The following TMEM272 variants were observed in gnomAD, a reference collection of about 807,000 sequenced individuals.
TMEM272 encodes the protein long intergenic non-protein coding RNA 282.
Under a neutral mutation model 3.7 loss-of-function variants are expected in TMEM272, and 8 were observed. The observed-to-expected ratio is 2.17, with a 90% CI of 1.27 to 3.91. TMEM272 has a LOEUF of 3.91. Ranked by LOEUF, TMEM272 falls within the 30% of genes most tolerant of loss-of-function variation. The pLI, the probability that TMEM272 is intolerant of heterozygous loss-of-function variation, is 0.00. For synonymous variants in TMEM272, 63 were observed against 39.8 expected (o/e 1.58, Z -2.20); for missense variants, 166 against 91.5 (o/e 1.81, Z -3.32).
chr13:51,826,105 G>A lies in TMEM272; in HGVS notation c.118+461C>T, dbSNP rs138795311. 6.4e-4 allele frequency among the ~76,000 whole-genome samples: 89 copies of A among 140,140 alleles called. 1 individual carries two copies. In the East Asian group the frequency reaches 0.017, roughly 26 times the overall value. The allele number at this position is 140,140 out of a possible 152,430, so 91.9% of individuals were successfully genotyped here. A position where few individuals can be genotyped will look rare whatever the true frequency, so the allele number is the denominator to read the frequency against. ...TGGATTATGAGGTTGTTTAATATAC[G>A]TGATTTATGGAAATATTTACTCATT... is the stretch of plus-strand genomic sequence containing the variant. On this transcript the variant is annotated intron_variant, in intron 3 of 4. Coordinates refer to ENST00000629372, the MANE Select transcript of TMEM272 (RefSeq NM_001351003.2).
Position 51,814,340 on chromosome 13 carries a change from T to C in TMEM272, c.*2411A>G, listed in dbSNP as rs1337396030. On this transcript the variant is annotated 3_prime_UTR_variant, in exon 5 of 5. Transcript: ENST00000629372. The stretch of plus-strand genomic sequence containing the variant: ...ATCTCCTGAGGGAGGCCTTAATCAG[T>C]TATCATTCAAAGCCTGCTGCGCTTG... 6.6e-6 allele frequency: 1 copy of C among 152,276 alleles called. No homozygotes were observed. Among genetic ancestry groups the C allele is most frequent in the African/African-American group, 2.4e-5 (1 of 41,462 alleles). The allele number at this position is 152,276 out of a possible 1,614,324, so 9.4% of individuals were successfully genotyped here.
rs1462121972 is a variant in TMEM272, at chr13:51,816,975, A to T, written c.340T>A (p.Phe114Ile). The change falls in exon 5 of 5, where the codon TTC becomes ATC. Residue 114 changes from phenylalanine to isoleucine, a missense_variant. Physicochemically the swap from Phe to Ile is conservative, Grantham distance 21 (BLOSUM62 0). Transcript: ENST00000629372. ...RYYIHLLLSL[F>I]LFLWFILGNY... is the part of the protein sequence containing the mutation. ...CCCAGGATGAACCAGAGGAAGAGGA[A>T]GAGGCTCAGCAGGAGGTGGATGTAG... The T allele has an allele frequency of 1.4e-6, 1 of 703,062 alleles. No individual in the cohort carries two copies. The highest frequency in any genetic ancestry group is 1.5e-5 in the South Asian group (1 of 67,610). 43.6% of individuals were successfully genotyped at this position (703,062 alleles called of 1,614,324 possible). A position where few individuals can be genotyped will look rare whatever the true frequency, so the allele number is the denominator to read the frequency against.
At chr13:51,844,229 T>G (rs1956285746) in intron 1 of TMEM272, among the ~76,000 whole-genome samples, 1 of 152,016 alleles carries the variant, frequency 6.6e-6, no homozygotes, top group Non-Finnish European at 1.5e-5. Flanking sequence ...TATGTGTGTA[T>G]GTGTAGACAC....
At chr13:51,842,433 A>G (rs551632331) in intron 1 of TMEM272, among the ~76,000 whole-genome samples, 204 of 152,352 alleles carry the variant, frequency 1.3e-3, no homozygotes, top group African/African-American at 4.4e-3. Flanking sequence ...GCAGAAAAGG[A>G]GTAAGTCCAC....
chr13:51,841,151 T>C (rs529348354), intron 1 of TMEM272, among the ~76,000 whole-genome samples: 1 of 152,372 alleles, frequency 6.6e-6, no homozygotes, highest in Non-Finnish European at 1.5e-5. Context: ...AAAGGGGCCA[T>C]GGCCCATCAC....
chr13:51,906,309 G>T, the TMEM272 span, among the ~76,000 whole-genome samples: 5 of 152,146 alleles, frequency 3.3e-5, no homozygotes, highest in African/African-American at 1.2e-4. Context: ...AACAGGGCAG[G>T]CTTTGTAGGG....
the TMEM272 span, among the ~76,000 whole-genome samples, chr13:51,890,672 G>A: frequency 4.6e-5 from 7 of 152,254 alleles, no homozygotes; most frequent in South Asian, 1.0e-3. Flanking sequence ...TGAAATGTAC[G>A]GGAGGCTTGT....
the TMEM272 span, among the ~76,000 whole-genome samples, chr13:51,864,158 A>G: frequency 7.9e-6 from 1 of 126,350 alleles, no homozygotes; most frequent in Non-Finnish European, 1.6e-5. Context: ...TCTTCCTCCC[A>G]GCTTTTATTT....
At chr13:51,869,090 C>T in the TMEM272 span, among the ~76,000 whole-genome samples, 1 of 152,182 alleles carries the variant, frequency 6.6e-6, no homozygotes, top group Admixed American at 6.5e-5. Flanking sequence ...CTTGCCATCC[C>T]TAGACTCATG....
At chr13:51,838,354 GGGGCCACCCCA>G (rs1956233329) in intron 2 of TMEM272, 108 bp downstream of exon 2, 2 of 690,126 alleles carry the variant, frequency 2.9e-6, no homozygotes, top group Non-Finnish European at 5.3e-6. Flanking sequence ...CTACCACCCT[GGGGCCACCCCA>G]TACCAAGCAC....
At chr13:51,888,890 C>A in the TMEM272 span, among the ~76,000 whole-genome samples, 2 of 151,950 alleles carry the variant, frequency 1.3e-5, no homozygotes, top group Non-Finnish European at 2.9e-5. Flanking sequence ...CGTGATCCAC[C>A]CAGCTCAGCC....
At chr13:51,921,065 T>C in the TMEM272 span, among the ~76,000 whole-genome samples, 87,332 of 152,086 alleles carry the variant, frequency 0.57, 26,715 homozygotes, top group African/African-American at 0.79. Context: ...GCAGAGAGCT[T>C]GCTGTATCAG....
the TMEM272 span, among the ~76,000 whole-genome samples, chr13:51,858,404 G>C: frequency 3.3e-5 from 5 of 152,136 alleles, no homozygotes; most frequent in Non-Finnish European, 7.4e-5. Context: ...TATACTTTGT[G>C]CAAACCATAA....
At chr13:51,865,777 G>A in the TMEM272 span, 4 of 1,614,150 alleles carry the variant, frequency 2.5e-6, no homozygotes, top group Non-Finnish European at 3.4e-6. Context: ...AGGAGGATAA[G>A]GCCTTCTGGA....
the TMEM272 span, among the ~76,000 whole-genome samples, chr13:51,860,638 C>CAAAAAAAAAA: frequency 9.4e-6 from 1 of 105,926 alleles, no homozygotes; most frequent in Non-Finnish European, 1.9e-5. Context: ...AAACATGTCT[C>CAAAAAAAAAA]AAAAAAAAAA....
At chr13:51,853,082 C>T in the TMEM272 span, among the ~76,000 whole-genome samples, 1 of 151,898 alleles carries the variant, frequency 6.6e-6, no homozygotes, top group African/African-American at 2.4e-5. Flanking sequence ...TGTGTTCTTA[C>T]GATAAAGTAA....
At chr13:51,865,957 G>A in the TMEM272 span, 3 of 1,614,118 alleles carry the variant, frequency 1.9e-6, no homozygotes, top group African/African-American at 2.7e-5. Context: ...CCCTCTGGGA[G>A]GAAGAGAGGG....
the TMEM272 span, among the ~76,000 whole-genome samples, chr13:51,902,794 T>C: frequency 6.6e-6 from 1 of 152,250 alleles, no homozygotes; most frequent in Non-Finnish European, 1.5e-5. Context: ...CAAATATTCA[T>C]TGTCCGTTTA....
rs1253036453 is a variant in TMEM272 at position 51,826,623 on chromosome 13, A to T, written c.61T>A (p.Cys21Ser). Reference sequence around the variant, plus strand: ...AAAGCACAGAGCACAACAACGAAGCAGGCTGCAAGGAGAAGAAGGGGCAGG... The same window carrying T: ...AAAGCACAGAGCACAACAACGAAGCTGGCTGCAAGGAGAAGAAGGGGCAGG... The part of the protein sequence containing the change: ...QCISKIASNA[C>S]FVVVLCAFLA... The change falls in exon 3 of 5, where the codon TGC becomes AGC. Residue 21 changes from cysteine to serine, a missense_variant and splice_region_variant. Coordinates refer to ENST00000629372, the MANE Select transcript of TMEM272 (RefSeq NM_001351003.2). 2.8e-6 allele frequency: 2 copies of T among 702,488 alleles called. No homozygotes were observed. The highest frequency in any genetic ancestry group is 3.5e-5 in the African/African-American group (2 of 57,258). The allele number at this position is 702,488 out of a possible 1,614,324, so 43.5% of individuals were successfully genotyped here.
Sources: gnomAD v4.1 joint callset for allele counts (sites outside exome capture counted in the v4.1 genomes callset) on GRCh38, gnomAD v4.1.1 for gene constraint, MANE v1.5 for transcripts, NCBI Gene and HGNC (gene_info 2026-07-23, HGNC 2026-07-21) for gene names.